Variants in GAB2 observed in about 807,000 individuals in gnomAD.
GAB2 encodes the protein GRB2-associated-binding protein 2.
A neutral mutation model predicts 65.5 loss-of-function variants in GAB2; 26 were observed. The observed-to-expected ratio is 0.40, with a 90% CI of 0.29 to 0.55. GAB2 has a LOEUF of 0.55. Ranked by LOEUF, GAB2 falls within the 20% of genes least tolerant of loss-of-function variation. GAB2 has a pLI of 0.53. For missense variants in GAB2, 884 were observed against 875.8 expected (o/e 1.01, Z -0.12); for synonymous variants, 321 against 329.6 (o/e 0.97, Z 0.28).
At chr11:78,312,082 C>A (rs1162544908) in intron 1 of GAB2, among the ~76,000 whole-genome samples, 1 of 151,836 alleles carries the variant, frequency 6.6e-6, no homozygotes, top group African/African-American at 2.4e-5. Context: ...AGGTCTGTGT[C>A]ACAGGGCAGC....
chr11:78,397,416 G>T (rs914016023), intron 1 of GAB2, among the ~76,000 whole-genome samples: 1 of 152,224 alleles, frequency 6.6e-6, no homozygotes, highest in Non-Finnish European at 1.5e-5. Flanking sequence ...GAAGCACAGC[G>T]TAAACCAACA....
At chr11:78,417,376 C>A (rs1478303404) in intron 1 of GAB2, among the ~76,000 whole-genome samples, 4 of 152,036 alleles carry the variant, frequency 2.6e-5, no homozygotes, top group Non-Finnish European at 5.9e-5. Context: ...GTATTTAGTT[C>A]ACGAGCAGAC....
chr11:78,409,140 A>C (rs1017971634), intron 1 of GAB2, among the ~76,000 whole-genome samples: 3 of 152,230 alleles, frequency 2.0e-5, no homozygotes, highest in Admixed American at 1.3e-4. Context: ...TATAGGCTAT[A>C]ATATATCAAG....
chr11:78,326,061 T>C (rs1030833621), intron 1 of GAB2, among the ~76,000 whole-genome samples: 1 of 152,248 alleles, frequency 6.6e-6, no homozygotes, highest in African/African-American at 2.4e-5. Flanking sequence ...AGATATTTTA[T>C]GGATATGAGA....
At chr11:78,273,078 G>T (rs183156679) in intron 2 of GAB2, among the ~76,000 whole-genome samples, 7 of 152,252 alleles carry the variant, frequency 4.6e-5, no homozygotes, top group South Asian at 2.1e-4. Flanking sequence ...CCAGGCAGAA[G>T]TTTGTTGCAG....
intron 1 of GAB2, among the ~76,000 whole-genome samples, chr11:78,376,940 GAGTCTTGTA>G (rs1486653506): frequency 6.6e-6 from 1 of 152,196 alleles, no homozygotes; most frequent in Non-Finnish European, 1.5e-5. Flanking sequence ...TTGGTGCTGT[GAGTCTTGTA>G]AGAGCTGTTC....
At chr11:78,300,825 G>A (rs749344534) in intron 1 of GAB2, among the ~76,000 whole-genome samples, 16 of 151,300 alleles carry the variant, frequency 1.1e-4, no homozygotes, top group Non-Finnish European at 1.8e-4. Flanking sequence ...CTCCCAAGTA[G>A]CTGGGACTAT....
intron 1 of GAB2, among the ~76,000 whole-genome samples, chr11:78,374,632 G>A (rs1856610751): frequency 6.6e-6 from 1 of 152,138 alleles, no homozygotes; most frequent in Non-Finnish European, 1.5e-5. Flanking sequence ...ATACAAAGAT[G>A]AATACTATCC....
chr11:78,238,206 CAAAA>C (rs10541492), intron 3 of GAB2, among the ~76,000 whole-genome samples: 7 of 104,802 alleles, frequency 6.7e-5, no homozygotes, highest in Middle Eastern at 5.9e-3. Context: ...AGGGAAGAAA[CAAAA>C]AAAAAAAAAA....
intron 2 of GAB2, among the ~76,000 whole-genome samples, chr11:78,256,201 C>T (rs779610259): frequency 3.3e-5 from 5 of 152,144 alleles, no homozygotes; most frequent in Non-Finnish European, 7.4e-5. Flanking sequence ...TGTGATATAT[C>T]CACACAATGG....
At chr11:78,240,640 G>C (rs1008839252) in intron 3 of GAB2, among the ~76,000 whole-genome samples, 4 of 152,162 alleles carry the variant, frequency 2.6e-5, no homozygotes, top group African/African-American at 9.7e-5. Flanking sequence ...CTGCTACATG[G>C]TGTATCAATC....
At chr11:78,393,058 G>A (rs1856853823) in intron 1 of GAB2, among the ~76,000 whole-genome samples, 1 of 152,204 alleles carries the variant, frequency 6.6e-6, no homozygotes, top group African/African-American at 2.4e-5. Flanking sequence ...GAGCTGCAGA[G>A]AGGCAGGATG....
chr11:78,388,352 G>T (rs1233494606), intron 1 of GAB2, among the ~76,000 whole-genome samples: 1 of 147,296 alleles, frequency 6.8e-6, no homozygotes, highest in Non-Finnish European at 1.5e-5. Flanking sequence ...TTTGCGACAG[G>T]GTCTCGCTCT....
intron 1 of GAB2, among the ~76,000 whole-genome samples, chr11:78,398,957 C>G (rs1261685058): frequency 6.6e-6 from 1 of 152,130 alleles, no homozygotes; most frequent in Non-Finnish European, 1.5e-5. Context: ...ATCTGACTTT[C>G]AATAAGGATA....
intron 1 of GAB2, among the ~76,000 whole-genome samples, chr11:78,327,523 A>C (rs1180971042): frequency 6.6e-6 from 1 of 152,208 alleles, no homozygotes; most frequent in Non-Finnish European, 1.5e-5. Context: ...AGGCATCATT[A>C]AAGTGCACAG....
At chr11:78,233,763 C>T (rs183197777) in intron 3 of GAB2, among the ~76,000 whole-genome samples, 98 of 152,256 alleles carry the variant, frequency 6.4e-4, no homozygotes, top group Non-Finnish European at 1.1e-3. Flanking sequence ...AGCACATCCA[C>T]GCCTGTCTAA....
intron 1 of GAB2, among the ~76,000 whole-genome samples, chr11:78,332,507 T>C (rs916596232): frequency 6.6e-5 from 10 of 152,196 alleles, no homozygotes; most frequent in East Asian, 1.9e-4. Flanking sequence ...AGCCCCAGTG[T>C]CCTACACACA....
chr11:78,382,721 T>C (rs781315149), intron 1 of GAB2, among the ~76,000 whole-genome samples: 1 of 152,228 alleles, frequency 6.6e-6, no homozygotes, highest in Non-Finnish European at 1.5e-5. Flanking sequence ...CAATAAATCC[T>C]ATTTTTCTAA....
chr11:78,260,681 A>G (rs2134544497), intron 2 of GAB2, among the ~76,000 whole-genome samples: 1 of 152,296 alleles, frequency 6.6e-6, no homozygotes, highest in East Asian at 1.9e-4. Flanking sequence ...CATGTTGGCC[A>G]GGCTGGTCTC....
Sources: gnomAD v4.1 joint callset for allele counts (sites outside exome capture counted in the v4.1 genomes callset) on GRCh38, gnomAD v4.1.1 for gene constraint, MANE v1.5 for transcripts, NCBI Gene and HGNC (gene_info 2026-07-23, HGNC 2026-07-21) for gene names.